POMGNT1: variants seen among roughly 807,000 people sequenced by gnomAD.
POMGNT1 encodes protein O-linked-mannose beta-1,2-N-acetylglucosaminyltransferase 1.
POMGNT1 carries 67 observed loss-of-function variants against 95.6 expected under a neutral mutation model. The ratio of observed to expected loss-of-function variants is 0.70; its 90% CI spans 0.58 to 0.86. The LOEUF is 0.86. Among genes scored for constraint, POMGNT1 ranks in the 40% least tolerant of loss-of-function variants. The pLI, the probability that POMGNT1 is intolerant of heterozygous loss-of-function variation, is 0.00. For synonymous variants in POMGNT1, 298 were observed against 317.9 expected (o/e 0.94, Z 0.66); for missense variants, 719 against 855.2 (o/e 0.84, Z 1.99).
At chr1:46,203,299 C>T (rs1658603671), upstream of POMGNT1, 3 of 634,322 alleles carry the variant, frequency 4.7e-6, no homozygotes, top group Admixed American at 7.6e-5. Flanking sequence ...CGGCGCCCTC[C>T]TCCCGCCCCC....
intron 1 of POMGNT1, among the ~76,000 whole-genome samples, chr1:46,210,167 A>G (rs1362701836): frequency 6.6e-6 from 1 of 152,178 alleles, no homozygotes; most frequent in Non-Finnish European, 1.5e-5. Flanking sequence ...CATTTGTTCA[A>G]TTGAATTAGA....
rs918568993 is a variant in POMGNT1 at position 46,212,029 on chromosome 1, C to T, written c.-51+7676G>A. Reference sequence around the variant, plus strand: ...TTCCCACCTCGACCTCCCAAAGTGCCGGGATTACAGGAGTGAGCTACCACA... The same window carrying T: ...TTCCCACCTCGACCTCCCAAAGTGCTGGGATTACAGGAGTGAGCTACCACA... On this transcript the variant is annotated intron_variant, in intron 1 of 22. Transcript: ENST00000371992. Among the ~76,000 whole-genome samples the T allele has an allele frequency of 5.9e-5, 9 of 151,874 alleles. No individual in the cohort carries two copies. The East Asian group carries it at 9.7e-4, about 16-fold the overall frequency.
At chr1:46,217,502 A>G (rs1197925353) in intron 1 of POMGNT1, among the ~76,000 whole-genome samples, 1 of 152,178 alleles carries the variant, frequency 6.6e-6, no homozygotes, top group Admixed American at 6.6e-5. Flanking sequence ...TTTATTGCCT[A>G]TTAGGAGGAT....
chr1:46,192,890 C>T lies in POMGNT1; in HGVS notation c.1211+10G>A, dbSNP rs1355511002. On this transcript the variant is annotated intron_variant, in intron 14 of 21. Coordinates refer to ENST00000371984, the MANE Select transcript of POMGNT1 (RefSeq NM_017739.4). ...AGGGACCTCAACTGAAACCTAGAGA[C>T]TCCCCTCACCTGAAAAAATCCACAG... 2 of 1,614,020 alleles carry T rather than the reference C, an allele frequency of 1.2e-6. No homozygotes were observed. The highest frequency in any genetic ancestry group is 2.7e-5 in the African/African-American group (2 of 74,916).
rs1658240614 is a variant in POMGNT1, at chr1:46,196,358, C to T, written c.355-281G>A. On this transcript the variant is annotated intron_variant, in intron 4 of 21. Coordinates refer to ENST00000371984, the MANE Select transcript of POMGNT1 (RefSeq NM_017739.4). This position sits in a 1 kb window ranked among gnomAD's most constrained non-coding sequence, Gnocchi z 4.4. ...GCTTCATCCTGGAAGTATCACAATC[C>T]TCCACCACACTGAACCCCTCAAGGT... Among the ~76,000 whole-genome samples, 1 of 152,208 alleles carries T rather than the reference C, an allele frequency of 6.6e-6. No individual in the cohort carries two copies. Among genetic ancestry groups the T allele is most frequent in the Non-Finnish European group, 1.5e-5 (1 of 68,042 alleles).
intron 1 of POMGNT1, among the ~76,000 whole-genome samples, chr1:46,208,786 A>T (rs1181558614): frequency 2.0e-5 from 3 of 152,082 alleles, no homozygotes; most frequent in Admixed American, 6.6e-5. Flanking sequence ...GGTTGCAATG[A>T]GCCAAGATCG....
At chr1:46,217,207 C>G (rs566697430) in intron 1 of POMGNT1, among the ~76,000 whole-genome samples, 2 of 152,148 alleles carry the variant, frequency 1.3e-5, no homozygotes, top group East Asian at 3.9e-4. Flanking sequence ...AATTGTGCAG[C>G]AAGGACAGAT....
At chr1:46,197,933 G>C in intron 1 of POMGNT1, 62 bp from the exon 2 acceptor site, 6 of 1,508,610 alleles carry the variant, frequency 4.0e-6, no homozygotes, top group Non-Finnish European at 5.4e-6. Context: ...TGCCTTCTGG[G>C]GAGATGAGGG....
chr1:46,217,744 C>A (rs753235317), intron 1 of POMGNT1, among the ~76,000 whole-genome samples: 7 of 152,116 alleles, frequency 4.6e-5, no homozygotes, highest in Non-Finnish European at 7.4e-5. Flanking sequence ...GTAATCCCAG[C>A]TACTCAGCAG....
upstream of POMGNT1, among the ~76,000 whole-genome samples, chr1:46,202,918 GT>G (rs1359688214): frequency 4.4e-3 from 373 of 84,164 alleles, 8 homozygotes; most frequent in African/African-American, 5.7e-3. Flanking sequence ...GGGGGGGGGG[GT>G]GGTGTGTGTG....
Position 46,189,982 on chromosome 1 carries a change from C to G in POMGNT1, c.1657G>C (p.Glu553Gln), listed in dbSNP as rs150351855. The G allele has an allele frequency of 6.2e-7, 1 of 1,614,020 alleles. No homozygotes were observed. Among genetic ancestry groups the G allele is most frequent in the South Asian group, 1.1e-5 (1 of 90,988 alleles). ...VEVHRLLSEAEVLDHSKNPCE... is the reference protein window; with the variant it reads ...VEVHRLLSEAQVLDHSKNPCE... Reference sequence around the variant, plus strand: ...GGGTTCTTGCTGTGGTCCAGAACCTCAGCCTCACTGCAGTAGAGGGTGGGA... The same window carrying G: ...GGGTTCTTGCTGTGGTCCAGAACCTGAGCCTCACTGCAGTAGAGGGTGGGA... The change falls in exon 20 of 22, where the codon GAG (glutamate) becomes CAG (glutamine). Residue 553 changes from glutamate to glutamine, a missense_variant. Physicochemically the swap from Glu to Gln is conservative, Grantham distance 29. This residue lies in a region of POMGNT1 where 130 missense variants were observed against 149.2 expected (regional missense o/e 0.87). Transcript: ENST00000371984.
chr1:46,216,133 G>GC (rs906711100), intron 1 of POMGNT1, among the ~76,000 whole-genome samples: 1 of 122,668 alleles, frequency 8.2e-6, no homozygotes, highest in African/African-American at 3.1e-5. Flanking sequence ...TGCAGGCTCC[G>GC]CCCCCCAGGT....
intron 6 of POMGNT1, 139 bp downstream of exon 6, chr1:46,195,672 G>A (rs1049941221): frequency 1.2e-6 from 1 of 816,004 alleles, no homozygotes; most frequent in Non-Finnish European, 2.1e-6. Context: ...TAATACAAAT[G>A]TTAAGGCTGA....
intron 2 of POMGNT1, 26 bp downstream of exon 2, chr1:46,197,676 G>A (rs1425367271): frequency 4.3e-6 from 7 of 1,613,772 alleles, no homozygotes; most frequent in Non-Finnish European, 5.9e-6. Flanking sequence ...AGCGCTCGGT[G>A]GGGAGGGTTT....
chr1:46,217,838 C>T (rs1345879722), intron 1 of POMGNT1, among the ~76,000 whole-genome samples: 6 of 151,886 alleles, frequency 4.0e-5, no homozygotes, highest in African/African-American at 1.5e-4. Flanking sequence ...GCCTGGGCAA[C>T]AAGAGAGAAA....
chr1:46,218,942 C>A (rs1415864118), intron 1 of POMGNT1, among the ~76,000 whole-genome samples: 1 of 152,156 alleles, frequency 6.6e-6, no homozygotes, highest in Non-Finnish European at 1.5e-5. Flanking sequence ...TCCTGATTAA[C>A]ACCCTATCTT....
chr1:46,205,797 C>A (rs1308953690), intron 1 of POMGNT1, among the ~76,000 whole-genome samples: 1 of 152,212 alleles, frequency 6.6e-6, no homozygotes, highest in Admixed American at 6.5e-5. Flanking sequence ...TTAATCTCTT[C>A]TTGTGCTCTG....
chr1:46,190,676 A>C, intron 18 of POMGNT1, 44 bp downstream of exon 18: 1 of 1,575,786 alleles, frequency 6.3e-7, no homozygotes, highest in East Asian at 2.2e-5. Flanking sequence ...ACTGGCCTCC[A>C]AATCTCCTAG....
At chr1:46,201,618 G>A (rs1658534224), upstream of POMGNT1, among the ~76,000 whole-genome samples, 1 of 148,788 alleles carries the variant, frequency 6.7e-6, no homozygotes, top group Non-Finnish European at 1.5e-5. Context: ...AGAATCGCTT[G>A]AACCCAGGAG....
Sources: gnomAD v4.1 joint callset for allele counts (sites outside exome capture counted in the v4.1 genomes callset) on GRCh38, gnomAD v4.1.1 for gene constraint, gnomAD v4.1.1 regional missense constraint, Gnocchi (gnomAD v3.1) non-coding constraint, MANE v1.5 for transcripts, NCBI Gene and HGNC (gene_info 2026-07-23, HGNC 2026-07-21) for gene names.